Variants in KYAT3 observed in about 807,000 individuals in gnomAD.
The protein encoded by KYAT3 is kynurenine--oxoglutarate transaminase 3.
KYAT3 carries 50 observed loss-of-function variants against 59.0 expected under a neutral mutation model. The ratio of observed to expected loss-of-function variants is 0.85; its 90% CI spans 0.68 to 1.07. KYAT3 has a LOEUF of 1.07. Ranked by LOEUF, KYAT3 falls within the 50% of genes least tolerant of loss-of-function variation. The probability of loss-of-function intolerance (pLI) is 0.00; values close to 1 mark genes in which losing one functional copy is unlikely to be tolerated. For synonymous variants in KYAT3, 148 were observed against 177.0 expected, an observed-to-expected ratio of 0.84 and a Z score of 1.30; for missense variants, 497 against 533.3, an observed-to-expected ratio of 0.93 and a Z score of 0.67.
intron 2 of KYAT3, chr1:88,980,281 A>T (rs1188881989): frequency 1.3e-5 from 2 of 152,596 alleles, no homozygotes; most frequent in East Asian, 3.8e-4. Context: ...TGTAATTCTA[A>T]ACAGATACAG....
intron 11 of KYAT3, among the ~76,000 whole-genome samples, chr1:88,945,067 C>T (rs190003735): frequency 6.6e-6 from 1 of 152,228 alleles, no homozygotes; most frequent in African/African-American, 2.4e-5. Flanking sequence ...TGGTCTCAAA[C>T]TCCTGACCTT....
intron 2 of KYAT3, among the ~76,000 whole-genome samples, chr1:88,969,770 C>T (rs541934970): frequency 2.6e-5 from 4 of 152,138 alleles, no homozygotes; most frequent in Admixed American, 2.6e-4. Flanking sequence ...GTCTCCTGAG[C>T]AGGTGGGACT....
the KYAT3 span, among the ~76,000 whole-genome samples, chr1:88,930,598 T>A: frequency 1.3e-5 from 2 of 152,080 alleles, no homozygotes. Flanking sequence ...ATTCCCTCAC[T>A]CCAGGAACTA....
At chr1:88,987,608 A>C (rs567920178) in intron 2 of KYAT3, among the ~76,000 whole-genome samples, 1 of 152,336 alleles carries the variant, frequency 6.6e-6, no homozygotes, top group Non-Finnish European at 1.5e-5. Flanking sequence ...TCATATGCAC[A>C]CTACCCAGAT....
rs1221563859 is a variant in KYAT3 at position 88,949,252 on chromosome 1, A to G, written c.980T>C (p.Ile327Thr). The change falls in exon 11 of 14, where the codon ATT becomes ACT. Residue 327 changes from isoleucine (I) to threonine (T), a missense_variant. This residue lies in a region of KYAT3 where 469 missense variants were observed against 479.1 expected (regional missense o/e 0.98). Transcript: ENST00000260508. ...LQEALAQAFW[I>T]DIKRMDDPEC... ...TGGGTCATCCATGCGCTTGATGTCA[A>G]TCCAGAAAGCTTGAGCCAAGGCTTC... The G allele has an allele frequency of 1.3e-6, 2 of 1,566,860 alleles. No homozygotes were observed. The highest frequency in any genetic ancestry group is 1.2e-5 in the South Asian group (1 of 82,536).
At chr1:88,979,759 T>C (rs1676985753) in intron 2 of KYAT3, 1 of 152,252 alleles carries the variant, frequency 6.6e-6, no homozygotes, top group Non-Finnish European at 1.5e-5. Context: ...ACAAACAGTT[T>C]GGCAGTTACT....
At chr1:88,935,436 T>C (rs111383458), downstream of KYAT3, among the ~76,000 whole-genome samples, 8 of 150,886 alleles carry the variant, frequency 5.3e-5, no homozygotes, top group African/African-American at 1.9e-4. Context: ...GAATAGGTCA[T>C]TATAGTGGGA....
chr1:88,926,650 G>A, the KYAT3 span, among the ~76,000 whole-genome samples: 1 of 152,116 alleles, frequency 6.6e-6, no homozygotes, highest in Non-Finnish European at 1.5e-5. Context: ...GGAGACTGAG[G>A]GAAAAACCAC....
intron 1 of KYAT3, among the ~76,000 whole-genome samples, chr1:88,992,119 C>T (rs1381155406): frequency 1.3e-5 from 2 of 151,958 alleles, no homozygotes; most frequent in Admixed American, 6.6e-5. Flanking sequence ...GCTGGGACTA[C>T]AGGCGCCCGC....
At chr1:88,974,786 C>T (rs897079246) in intron 2 of KYAT3, among the ~76,000 whole-genome samples, 9 of 151,994 alleles carry the variant, frequency 5.9e-5, no homozygotes, top group East Asian at 1.9e-4. Flanking sequence ...GGATTGTAAA[C>T]GCACCAAATC....
At chr1:88,925,727 A>G in the KYAT3 span, among the ~76,000 whole-genome samples, 2 of 152,066 alleles carry the variant, frequency 1.3e-5, no homozygotes, top group African/African-American at 4.8e-5. Flanking sequence ...GAGGAGAGAG[A>G]GACAGAGGAG....
intron 6 of KYAT3, 104 bp from the exon 7 acceptor site, chr1:88,961,610 C>A: frequency 1.0e-5 from 10 of 975,960 alleles, no homozygotes; most frequent in African/African-American, 3.3e-5. Context: ...AAAGTCATGG[C>A]AAAGGAAACT....
chr1:88,936,162 CATT>C lies in KYAT3; in HGVS notation c.*18_*20del, dbSNP rs764246820. ...TCCATACTAGGTCATCTAACAGAAA[CATT>C]AATCCATTCTGCACAAATCAAGACT... On this transcript the variant is annotated 3_prime_UTR_variant, in exon 14 of 14. Transcript: ENST00000260508. 2 of 1,564,272 alleles carry C rather than the reference CATT, an allele frequency of 1.3e-6. No homozygotes were observed. The highest frequency in any genetic ancestry group is 1.1e-5 in the South Asian group (1 of 87,600).
chr1:88,929,528 A>G, the KYAT3 span, among the ~76,000 whole-genome samples: 1 of 152,042 alleles, frequency 6.6e-6, no homozygotes, highest in South Asian at 2.1e-4. Flanking sequence ...GCCCCCATCT[A>G]TTTGGCCAGG....
chr1:88,925,089 C>T, the KYAT3 span, among the ~76,000 whole-genome samples: 2 of 152,200 alleles, frequency 1.3e-5, no homozygotes, highest in Non-Finnish European at 2.9e-5. Context: ...CTTTCACTTG[C>T]TATTCTGTCC....
At chr1:88,940,889 C>T (rs1469385720) in intron 13 of KYAT3, among the ~76,000 whole-genome samples, 2 of 152,174 alleles carry the variant, frequency 1.3e-5, no homozygotes, top group African/African-American at 2.4e-5. Context: ...GAGTATGCTG[C>T]CTGCTGGCTT....
intron 5 of KYAT3, 193 bp downstream of exon 5, chr1:88,964,636 A>G: frequency 1.8e-6 from 1 of 555,264 alleles, no homozygotes; most frequent in East Asian, 3.5e-5. Context: ...GTCTGGTTGT[A>G]GTTGCACAGA....
chr1:88,944,777 T>C (rs1473357644), intron 11 of KYAT3, among the ~76,000 whole-genome samples: 2 of 152,204 alleles, frequency 1.3e-5, no homozygotes, highest in African/African-American at 2.4e-5. Flanking sequence ...AAGAGGATTA[T>C]TGACTAATTC....
chr1:88,948,552 C>G (rs958158926), intron 11 of KYAT3, among the ~76,000 whole-genome samples: 2 of 152,158 alleles, frequency 1.3e-5, no homozygotes, highest in African/African-American at 4.8e-5. Context: ...TTAAAACTTT[C>G]TAAATCTTTT....
Sources: gnomAD v4.1 joint callset for allele counts (sites outside exome capture counted in the v4.1 genomes callset) on GRCh38, gnomAD v4.1.1 for gene constraint, gnomAD v4.1.1 regional missense constraint, MANE v1.5 for transcripts, NCBI Gene and HGNC (gene_info 2026-07-23, HGNC 2026-07-21) for gene names.